The following DCAF6 variants were observed in gnomAD, a reference collection of about 807,000 sequenced individuals.
The protein encoded by DCAF6 is DDB1- and CUL4-associated factor 6.
In DCAF6, 54 loss-of-function variants were observed where a neutral mutation model predicts 125.1. The observed-to-expected ratio is 0.43, with a 90% CI of 0.35 to 0.54. The LOEUF is 0.54. Ranked by LOEUF, DCAF6 falls within the 20% of genes least tolerant of loss-of-function variation. The pLI is 0.01. For synonymous variants in DCAF6, 371 were observed against 390.4 expected (o/e 0.95, Z 0.58); for missense variants, 934 against 1,161.7 (o/e 0.80, Z 2.85).
chr1:167,974,509 A>G (rs1386391702), intron 3 of DCAF6, among the ~76,000 whole-genome samples: 1 of 152,158 alleles, frequency 6.6e-6, no homozygotes, highest in Non-Finnish European at 1.5e-5. Context: ...TAAATTTCAA[A>G]AGTCAGTCAA....
At chr1:167,883,560 C>A in the DCAF6 span, 4 of 1,614,232 alleles carry the variant, frequency 2.5e-6, no homozygotes, top group Admixed American at 1.7e-5. Context: ...CTTCAAACAT[C>A]AGGTTCACAA....
the DCAF6 span, among the ~76,000 whole-genome samples, chr1:167,913,716 G>C: frequency 6.6e-6 from 1 of 150,966 alleles, no homozygotes; most frequent in East Asian, 2.2e-4. Flanking sequence ...GATATCACGT[G>C]AGAAACTGCA....
chr1:168,049,217 G>A (rs1000449221), intron 16 of DCAF6, among the ~76,000 whole-genome samples: 1 of 152,026 alleles, frequency 6.6e-6, no homozygotes, highest in Admixed American at 6.6e-5. Context: ...GTATCTTTTA[G>A]TGATTTTATA....
At chr1:168,051,012 T>C in intron 17 of DCAF6, 79 bp downstream of exon 17, 5 of 672,110 alleles carry the variant, frequency 7.4e-6, no homozygotes, top group Non-Finnish European at 4.6e-6. Flanking sequence ...TAACCACCTT[T>C]CCTATTAACA....
intron 21 of DCAF6, among the ~76,000 whole-genome samples, chr1:168,074,700 C>G (rs1693595267): frequency 6.6e-6 from 1 of 151,938 alleles, no homozygotes; most frequent in South Asian, 2.1e-4. Context: ...TTGGAAATGT[C>G]CAGGAAAAGT....
intron 12 of DCAF6, among the ~76,000 whole-genome samples, chr1:168,035,477 G>T (rs529347644): frequency 1.3e-5 from 2 of 152,246 alleles, no homozygotes; most frequent in East Asian, 3.9e-4. Context: ...ACAACCTGGA[G>T]TTGAAGAAAC....
the DCAF6 span, among the ~76,000 whole-genome samples, chr1:167,876,213 C>T: frequency 3.3e-5 from 5 of 150,742 alleles, no homozygotes; most frequent in South Asian, 2.1e-4. Context: ...GCCAAGATCA[C>T]GCCATTGCAT....
At position 167,936,861 on chromosome 1, in the gene DCAF6, C is replaced by T; in HGVS notation, c.-51C>T. 2.1e-6 allele frequency: 3 copies of T among 1,442,186 alleles called. No individual in the cohort carries two copies. The highest frequency in any genetic ancestry group is 2.9e-6 in the Non-Finnish European group (3 of 1,049,926). The allele number at this position is 1,442,186 out of a possible 1,614,324, so 89.3% of individuals were successfully genotyped here. ...TTGAAACGGGTGTCCCCTCCCCCTC[C>T]TCCCCTCCCCCACGCGGTGGTCTCC... On this transcript the variant is annotated 5_prime_UTR_variant, in exon 1 of 22. Coordinates refer to ENST00000367840, the MANE Select transcript of DCAF6 (RefSeq NM_001198956.2).
At chr1:168,030,412 T>C (rs1228606457) in intron 12 of DCAF6, among the ~76,000 whole-genome samples, 1 of 152,202 alleles carries the variant, frequency 6.6e-6, no homozygotes, top group African/African-American at 2.4e-5. Flanking sequence ...TGGACATTTT[T>C]AGGTTTCGCA....
Position 167,973,936 on chromosome 1 carries a change from C to T in DCAF6, c.253-894C>T, listed in dbSNP as rs900758405. ...TGCCTAGTCAAAGAGTAAGCACATA[C>T]GTAGTTTTGTGAGATATTGCTAAAT... On this transcript the variant is annotated intron_variant, in intron 3 of 21. Transcript: ENST00000367840. 4.6e-5 allele frequency among the ~76,000 whole-genome samples: 7 copies of T among 152,140 alleles called. No homozygotes were observed. In the East Asian group the frequency reaches 1.2e-3, roughly 25 times the overall value.
At chr1:168,037,232 A>G (rs1026456228) in intron 12 of DCAF6, among the ~76,000 whole-genome samples, 2 of 152,052 alleles carry the variant, frequency 1.3e-5, no homozygotes, top group Admixed American at 6.6e-5. Flanking sequence ...TTCAAGAGGA[A>G]TGAAAAAAGA....
chr1:167,936,419 C>T (rs1041060488), upstream of DCAF6: 1 of 180,820 alleles, frequency 5.5e-6, no homozygotes, highest in Non-Finnish European at 1.2e-5. Context: ...GAGCGAGAGA[C>T]TACAGAATTG....
chr1:167,864,766 C>T, the DCAF6 span, among the ~76,000 whole-genome samples: 1 of 152,124 alleles, frequency 6.6e-6, no homozygotes, highest in African/African-American at 2.4e-5. Context: ...TCTAATACCA[C>T]TTTGTTGTTA....
At chr1:168,004,043 G>A in intron 9 of DCAF6, 54 bp downstream of exon 9, 3 of 1,584,356 alleles carry the variant, frequency 1.9e-6, no homozygotes, top group South Asian at 1.1e-5. Context: ...ACTACTTATT[G>A]AAGCCAGTTT....
At chr1:167,870,423 G>A in the DCAF6 span, 1 of 1,598,924 alleles carries the variant, frequency 6.3e-7, no homozygotes, top group Non-Finnish European at 8.6e-7. Context: ...GTTATTTTTA[G>A]TTTTAAAAAA....
the DCAF6 span, chr1:167,904,069 C>A: frequency 6.5e-6 from 5 of 771,978 alleles, no homozygotes; most frequent in Non-Finnish European, 1.1e-5. Context: ...CCCTGGAAGG[C>A]AGCGGGCCTC....
the DCAF6 span, chr1:167,878,332 A>G: frequency 2.5e-6 from 3 of 1,212,602 alleles, no homozygotes; most frequent in Admixed American, 1.8e-5. Context: ...TGGGGAAAGC[A>G]TAGATTTCAA....
chr1:167,983,791 A>G (rs1025470592), intron 4 of DCAF6, among the ~76,000 whole-genome samples: 3 of 152,194 alleles, frequency 2.0e-5, no homozygotes, highest in Non-Finnish European at 4.4e-5. Flanking sequence ...TACTGCCTCA[A>G]GCAACTGTGA....
At chr1:168,068,331 T>C in intron 20 of DCAF6, 27 bp from the exon 21 acceptor site, 7 of 1,514,850 alleles carry the variant, frequency 4.6e-6, no homozygotes, top group Non-Finnish European at 6.4e-6. Flanking sequence ...TTATGATCTT[T>C]GATACGATTT....
Sources: gnomAD v4.1 joint callset for allele counts (sites outside exome capture counted in the v4.1 genomes callset) on GRCh38, gnomAD v4.1.1 for gene constraint, MANE v1.5 for transcripts, NCBI Gene and HGNC (gene_info 2026-07-23, HGNC 2026-07-21) for gene names.